The following DNAJC5B variants were observed in gnomAD, a reference collection of about 807,000 sequenced individuals.
DNAJC5B encodes the protein DnaJ heat shock protein family (Hsp40) member C5 beta.
A neutral mutation model predicts 24.7 loss-of-function variants in DNAJC5B; 23 were observed. That is an observed-to-expected ratio of 0.93 (90% CI 0.67 to 1.32). DNAJC5B has a LOEUF of 1.32. DNAJC5B is among the 40% of genes most tolerant of loss of function. DNAJC5B has a pLI of 0.00. For missense variants in DNAJC5B, 238 were observed against 240.8 expected (o/e 0.99, Z 0.08); for synonymous variants, 101 against 90.1 (o/e 1.12, Z -0.68).
At chr8:66,031,551 T>C (rs1304712941) in intron 1 of DNAJC5B, among the ~76,000 whole-genome samples, 4 of 152,192 alleles carry the variant, frequency 2.6e-5, no homozygotes, top group Admixed American at 2.6e-4. Context: ...GCATTTTGTA[T>C]ATACACATAT....
intron 5 of DNAJC5B, among the ~76,000 whole-genome samples, chr8:66,082,798 G>A (rs1247856355): frequency 6.6e-6 from 1 of 152,016 alleles, no homozygotes; most frequent in Non-Finnish European, 1.5e-5. Context: ...TATTTAGAAT[G>A]AGAAAAAGAA....
At chr8:66,069,809 A>T (rs1037947446) in intron 3 of DNAJC5B, among the ~76,000 whole-genome samples, 2 of 152,272 alleles carry the variant, frequency 1.3e-5, no homozygotes, top group Non-Finnish European at 2.9e-5. Context: ...AAAAATCCTC[A>T]ATAAAATACT....
chr8:66,052,740 G>T (rs1764227929), intron 3 of DNAJC5B, among the ~76,000 whole-genome samples: 1 of 152,100 alleles, frequency 6.6e-6, no homozygotes, highest in African/African-American at 2.4e-5. Flanking sequence ...CACCTATAAG[G>T]CATGTAGCCT....
intron 1 of DNAJC5B, among the ~76,000 whole-genome samples, chr8:66,041,051 C>T (rs1366298726): frequency 1.3e-5 from 2 of 152,216 alleles, no homozygotes; most frequent in African/African-American, 4.8e-5. Context: ...ACGGCTTTTT[C>T]ATTTTATACA....
rs754713862 is a variant in DNAJC5B, at chr8:66,080,447, G to A, written c.404G>A (p.Cys135Tyr). The change falls in exon 5 of 6, where the codon TGC becomes TAC. Residue 135 changes from cysteine (C) to tyrosine (Y), a missense_variant. Cys to Tyr is a radical substitution (Grantham distance 194). Coordinates refer to ENST00000276570, the MANE Select transcript of DNAJC5B (RefSeq NM_033105.6). ...FCCCLCCCCNCCCGHCRPESS... is the reference protein window; with the variant it reads ...FCCCLCCCCNYCCGHCRPESS... The stretch of plus-strand genomic sequence containing the variant: ...TGCTGCCTGTGCTGCTGCTGCAACT[G>A]CTGCTGTGGACACTGCCGGCCCGAG... 9.3e-6 allele frequency: 15 copies of A among 1,614,072 alleles called. No homozygotes were observed. In the South Asian group the frequency reaches 1.4e-4, roughly 15 times the overall value.
At chr8:66,043,320 C>T (rs543291230) in intron 1 of DNAJC5B, among the ~76,000 whole-genome samples, 168 bp from the exon 2 acceptor site, 5 of 152,018 alleles carry the variant, frequency 3.3e-5, no homozygotes, top group South Asian at 2.1e-4. Flanking sequence ...TGGAGAGTCC[C>T]GGTGGAGACG....
chr8:66,095,658 G>GACAC (rs10566337), intron 5 of DNAJC5B, among the ~76,000 whole-genome samples: 7,713 of 146,664 alleles, frequency 0.053, 260 homozygotes, highest in Middle Eastern at 0.092. Flanking sequence ...ACTTTAGCTT[G>GACAC]ACACACACAC....
intron 5 of DNAJC5B, among the ~76,000 whole-genome samples, chr8:66,085,221 C>T (rs1807694875): frequency 6.6e-6 from 1 of 152,164 alleles, no homozygotes; most frequent in Non-Finnish European, 1.5e-5. Context: ...TGGTGGATCG[C>T]TTGAGGCCAG....
In DNAJC5B at chr8:66,048,443, A is replaced by G. The variant is rs144175118; in HGVS notation, c.-17-3088A>G. Among the ~76,000 whole-genome samples, 12 of 152,262 alleles carry G rather than the reference A, an allele frequency of 7.9e-5. No individual in the cohort carries two copies. In the East Asian group the frequency reaches 2.1e-3, roughly 27 times the overall value. The stretch of plus-strand genomic sequence containing the variant: ...CTATGAAACGGTTTCAAAGTTGCAG[A>G]TCTTTGTTCCCTTTAGTCTTTACAG... On this transcript the variant is annotated intron_variant, in intron 2 of 5. Transcript: ENST00000276570.
chr8:66,021,973 TTAAC>T (rs1806136648), intron 1 of DNAJC5B, among the ~76,000 whole-genome samples: 1 of 152,120 alleles, frequency 6.6e-6, no homozygotes, highest in Admixed American at 6.5e-5. Flanking sequence ...CAAAAATAAG[TTAAC>T]TAAGGAAGTA....
At chr8:66,083,133 T>C (rs1807639736) in intron 5 of DNAJC5B, among the ~76,000 whole-genome samples, 2 of 147,894 alleles carry the variant, frequency 1.4e-5, no homozygotes, top group Admixed American at 6.8e-5. Context: ...TGCCTCAGCC[T>C]CCCGAGTAGA....
At chr8:66,087,535 C>A (rs1249867149) in intron 5 of DNAJC5B, among the ~76,000 whole-genome samples, 1 of 152,182 alleles carries the variant, frequency 6.6e-6, no homozygotes, top group African/African-American at 2.4e-5. Context: ...TCCAAAGTCT[C>A]ATCTGAGACA....
chr8:66,026,961 GT>G (rs1361441911), intron 1 of DNAJC5B, among the ~76,000 whole-genome samples: 1 of 152,162 alleles, frequency 6.6e-6, no homozygotes, highest in Non-Finnish European at 1.5e-5. Context: ...AATATATGGG[GT>G]ACAAGTGCAA....
At chr8:66,040,611 T>G (rs1563589911) in intron 1 of DNAJC5B, among the ~76,000 whole-genome samples, 1 of 152,122 alleles carries the variant, frequency 6.6e-6, no homozygotes, top group African/African-American at 2.4e-5. Flanking sequence ...GGCAGTCAGA[T>G]CTCTCTGACA....
chr8:66,026,313 G>A (rs976677158), intron 1 of DNAJC5B, among the ~76,000 whole-genome samples: 2 of 152,014 alleles, frequency 1.3e-5, no homozygotes, highest in Non-Finnish European at 2.9e-5. Flanking sequence ...TCAGCTTAAG[G>A]AGATTTTGGG....
At chr8:66,022,340 C>G (rs577640925) in intron 1 of DNAJC5B, among the ~76,000 whole-genome samples, 13 of 152,264 alleles carry the variant, frequency 8.5e-5, no homozygotes, top group African/African-American at 2.9e-4. Flanking sequence ...CTCTGAGTGA[C>G]GGCAAAGAAC....
chr8:66,067,161 A>C (rs1807236502), intron 3 of DNAJC5B, among the ~76,000 whole-genome samples: 1 of 151,922 alleles, frequency 6.6e-6, no homozygotes, highest in African/African-American at 2.4e-5. Flanking sequence ...CAACTAGAAA[A>C]ACTGAAAGAA....
chr8:66,081,864 T>C (rs1300772196), intron 5 of DNAJC5B, among the ~76,000 whole-genome samples: 2 of 152,132 alleles, frequency 1.3e-5, no homozygotes, highest in Non-Finnish European at 2.9e-5. Context: ...GGGCCCATGG[T>C]GAAACAGAAT....
At chr8:66,092,804 T>C (rs888047066) in intron 5 of DNAJC5B, among the ~76,000 whole-genome samples, 1 of 152,186 alleles carries the variant, frequency 6.6e-6, no homozygotes, top group African/African-American at 2.4e-5. Flanking sequence ...GTGTAATATT[T>C]CTTTTTTAAA....
Sources: gnomAD v4.1 joint callset for allele counts (sites outside exome capture counted in the v4.1 genomes callset) on GRCh38, gnomAD v4.1.1 for gene constraint, MANE v1.5 for transcripts, NCBI Gene and HGNC (gene_info 2026-07-23, HGNC 2026-07-21) for gene names.